Variants in SHMT1 observed in about 807,000 individuals in gnomAD.
The protein encoded by SHMT1 is serine hydroxymethyltransferase 1, also known as serine hydroxymethyltransferase, cytosolic.
Under a neutral mutation model 49.0 loss-of-function variants are expected in SHMT1, and 45 were observed. The observed-to-expected ratio is 0.92, with a 90% CI of 0.72 to 1.18. The LOEUF is 1.18. SHMT1 is among the 50% of genes most tolerant of loss of function. The probability of loss-of-function intolerance (pLI) is 0.00; values close to 1 mark genes in which losing one functional copy is unlikely to be tolerated. For missense variants in SHMT1, 541 were observed against 612.4 expected, an observed-to-expected ratio of 0.88 and a Z score of 1.23; for synonymous variants, 232 against 246.6, an observed-to-expected ratio of 0.94 and a Z score of 0.55.
intron 5 of SHMT1, among the ~76,000 whole-genome samples, chr17:18,342,386 G>C (rs533006254): frequency 6.6e-6 from 1 of 151,880 alleles, no homozygotes; most frequent in South Asian, 2.1e-4. Flanking sequence ...GTGCCATCTC[G>C]GCTCATTGCA....
rs750961248 is a variant in SHMT1, at chr17:18,335,605, A to G, written c.885T>C (p.Ala295=). The change falls in exon 8 of 12, where the codon GCT becomes GCC. Residue 295 remains alanine (A), a synonymous_variant. Coordinates refer to ENST00000316694, the MANE Select transcript of SHMT1 (RefSeq NM_004169.5). ...LYNLESLINS[A]VFPGLQGGPH... ...GACCTCCCTGCAGGCCAGGGAACAC[A>G]GCAGAATTGATAAGAGACTCCAGGT... 7 of 1,614,112 alleles carry G rather than the reference A, an allele frequency of 4.3e-6. No homozygotes were observed. The highest frequency in any genetic ancestry group is 5.9e-6 in the Non-Finnish European group (7 of 1,180,002).
At position 18,354,230 on chromosome 17, in the gene SHMT1, T is replaced by G. The variant is rs7215241; in HGVS notation, c.97-413A>C. Reference sequence around the variant, plus strand: ...GTCGGGGGTTCGAGACCAGCCTGACTAACATGGAGAAACCCTCGTCTCTAC... The same window carrying G: ...GTCGGGGGTTCGAGACCAGCCTGACGAACATGGAGAAACCCTCGTCTCTAC... On this transcript the variant is annotated intron_variant, in intron 2 of 11. Transcript: ENST00000316694. Among the ~76,000 whole-genome samples, 540 of 151,960 alleles carry G rather than the reference T, an allele frequency of 3.6e-3. 4 individuals are homozygous for G. The highest frequency in any genetic ancestry group is 5.9e-3 in the Non-Finnish European group (399 of 67,950).
At position 18,348,138 on chromosome 17, in the gene SHMT1, T is replaced by C. The variant is rs991222301; in HGVS notation, c.358+187A>G. ...TTTCTCCATGTTGGTCAGGCTGGTC[T>C]TGAACTGCCGGCCTCAGGTGGTCTG... is the stretch of plus-strand genomic sequence containing the variant. On this transcript the variant is annotated intron_variant, in intron 4 of 11. Transcript: ENST00000316694. 10 of 633,214 alleles carry C rather than the reference T, an allele frequency of 1.6e-5. No individual in the cohort carries two copies. The African/African-American group carries it at 1.6e-4, about 10-fold the overall frequency. The allele number at this position is 633,214 out of a possible 1,614,324, so 39.2% of individuals were successfully genotyped here.
chr17:18,339,762 G>A (rs1019661580), intron 7 of SHMT1, among the ~76,000 whole-genome samples: 10 of 152,168 alleles, frequency 6.6e-5, no homozygotes, highest in Non-Finnish European at 1.3e-4. Context: ...GGGTTTCACC[G>A]TGTTAGCCAG....
At chr17:18,331,297 G>A (rs563596536) in intron 9 of SHMT1, 96 of 166,756 alleles carry the variant, frequency 5.8e-4, no homozygotes, top group African/African-American at 2.1e-3. Context: ...GCTGTGTTGC[G>A]GGGATCCCTT....
At position 18,333,232 on chromosome 17, in the gene SHMT1, G is replaced by T. The variant is rs1567770429; in HGVS notation, c.988C>A (p.Gln330Lys). 1 of 1,613,868 alleles carries T rather than the reference G, an allele frequency of 6.2e-7. No homozygotes were observed. The highest frequency in any genetic ancestry group is 1.7e-5 in the Admixed American group (1 of 60,016). ...MTLEFKVYQH[Q>K]VVANCRALSE... is the part of the protein sequence containing the mutation. ...AGAGCCCTGCAGTTGGCCACCACCT[G>T]GTGTTGATAAACTTTAAATTCCAGA... is the stretch of plus-strand genomic sequence containing the variant. The change falls in exon 9 of 12, where the codon CAG becomes AAG. Residue 330 changes from glutamine to lysine, a missense_variant. Physicochemically the swap from Gln to Lys is moderately conservative, Grantham distance 53 (BLOSUM62 1). Coordinates refer to ENST00000316694, the MANE Select transcript of SHMT1 (RefSeq NM_004169.5).
In SHMT1 at chr17:18,347,658, T is replaced by G. The variant is rs1173208722; in HGVS notation, c.359-2A>C. On this transcript the variant is annotated splice_acceptor_variant, in intron 4 of 11. Transcript: ENST00000316694. LOFTEE classifies it high-confidence loss of function. ...ACACAGCAAAGTTTGCAGGGGAGCC[T>G]GAAACGAGTGGACCAGAGGAGACAT... 2 of 1,613,988 alleles carry G rather than the reference T, an allele frequency of 1.2e-6. No individual in the cohort carries two copies. Among genetic ancestry groups the G allele is most frequent in the Non-Finnish European group, 8.5e-7 (1 of 1,180,022 alleles).
At chr17:18,353,873 T>C in intron 2 of SHMT1, 56 bp from the exon 3 acceptor site, 2 of 1,544,982 alleles carry the variant, frequency 1.3e-6, no homozygotes, top group Non-Finnish European at 1.8e-6. Flanking sequence ...AAAATTTTGC[T>C]CTGATCCAAA....
intron 1 of SHMT1, among the ~76,000 whole-genome samples, chr17:18,359,952 A>G (rs1359308685): frequency 6.6e-6 from 1 of 151,010 alleles, no homozygotes; most frequent in Non-Finnish European, 1.5e-5. Context: ...CTTAAAAAAA[A>G]AAAAAAATTA....
chr17:18,329,243 A>G (rs753007210), intron 11 of SHMT1, 35 bp downstream of exon 11: 12 of 1,439,118 alleles, frequency 8.3e-6, no homozygotes, highest in African/African-American at 2.8e-5. Flanking sequence ...AATACACACA[A>G]TAAGATGTGG....
intron 4 of SHMT1, among the ~76,000 whole-genome samples, chr17:18,347,940 G>A (rs1344102345): frequency 5.7e-5 from 8 of 139,424 alleles, no homozygotes; most frequent in African/African-American, 2.1e-4. Flanking sequence ...TTTTTGAGAT[G>A]GAGTTTCGCT....
intron 10 of SHMT1, 79 bp from the exon 11 acceptor site, chr17:18,329,467 G>A (rs1250250711): frequency 3.5e-6 from 4 of 1,155,396 alleles, no homozygotes; most frequent in South Asian, 1.3e-5. Flanking sequence ...GGGACATGTG[G>A]GCAAAAGAGA....
intron 1 of SHMT1, among the ~76,000 whole-genome samples, chr17:18,362,445 C>T (rs943341753): frequency 2.0e-5 from 3 of 152,040 alleles, no homozygotes; most frequent in Non-Finnish European, 4.4e-5. Flanking sequence ...CTCAGCCTTC[C>T]GAGTAGCTGG....
chr17:18,344,458 G>C (rs1253220092), intron 5 of SHMT1, among the ~76,000 whole-genome samples: 3 of 151,434 alleles, frequency 2.0e-5, no homozygotes, highest in Non-Finnish European at 4.4e-5. Context: ...CTTGAGTCCA[G>C]GAGTTTGAGA....
intron 8 of SHMT1, among the ~76,000 whole-genome samples, chr17:18,335,155 G>A (rs1244784870): frequency 1.3e-5 from 2 of 152,236 alleles, no homozygotes; most frequent in Non-Finnish European, 2.9e-5. Context: ...TGGCACTGGT[G>A]CAGGGTGTGA....
chr17:18,340,336 G>A lies in SHMT1; in HGVS notation c.602-81C>T. The A allele has an allele frequency of 7.1e-7, 1 of 1,398,804 alleles. No individual in the cohort carries two copies. Among genetic ancestry groups the A allele is most frequent in the Non-Finnish European group, 1.0e-6 (1 of 993,376 alleles). The allele number at this position is 1,398,804 out of a possible 1,614,324, so 86.6% of individuals were successfully genotyped here. ...TGGCTTCACAGTGGCCTCTAGATGT[G>A]CAGATCTGAAAGCCCAGAGATTTCT... is the stretch of plus-strand genomic sequence containing the variant. On this transcript the variant is annotated intron_variant, in intron 6 of 11. Transcript: ENST00000316694. This position sits in a 1 kb window ranked among gnomAD's most constrained non-coding sequence, Gnocchi z 4.5.
At chr17:18,346,777 T>G (rs1031752659) in intron 5 of SHMT1, among the ~76,000 whole-genome samples, 1 of 152,222 alleles carries the variant, frequency 6.6e-6, no homozygotes, top group Admixed American at 6.5e-5. Context: ...CTGGGCAAGA[T>G]AGTCAAACAC....
At position 18,340,587 on chromosome 17, in the gene SHMT1, C is replaced by T. The variant is rs1984387084; in HGVS notation, c.601+145G>A. ...ACACACATCTGTATCCTGAAAGAAA[C>T]TAATATATGTAGACCCCAGAAACTC... On this transcript the variant is annotated intron_variant, in intron 6 of 11. Transcript: ENST00000316694. This position sits in a 1 kb window ranked among gnomAD's most constrained non-coding sequence, Gnocchi z 4.5. The T allele has an allele frequency of 4.0e-6, 3 of 753,480 alleles. No individual in the cohort carries two copies. The highest frequency in any genetic ancestry group is 5.3e-5 in the East Asian group (2 of 37,428). The allele number at this position is 753,480 out of a possible 1,614,324, so 46.7% of individuals were successfully genotyped here. A position where few individuals can be genotyped will look rare whatever the true frequency, so the allele number is the denominator to read the frequency against.
intron 3 of SHMT1, among the ~76,000 whole-genome samples, chr17:18,352,235 C>T (rs891791538): frequency 2.0e-5 from 3 of 150,064 alleles, no homozygotes; most frequent in Non-Finnish European, 4.4e-5. Flanking sequence ...AAGCTCTGCC[C>T]CCTGGGGTTC....
Sources: allele counts gnomAD v4.1 joint callset (sites outside exome capture counted in the v4.1 genomes callset), GRCh38; gene constraint gnomAD v4.1.1; non-coding constraint Gnocchi (gnomAD v3.1); transcripts MANE v1.5; gene names NCBI Gene and HGNC (gene_info 2026-07-23, HGNC 2026-07-21).